NAALAD2: variants seen among roughly 807,000 people sequenced by gnomAD.
NAALAD2 encodes the protein N-acetylated alpha-linked acidic dipeptidase 2.
A neutral mutation model predicts 95.6 loss-of-function variants in NAALAD2; 89 were observed. The observed-to-expected ratio is 0.93, with a 90% CI of 0.78 to 1.11. The LOEUF (loss-of-function observed/expected upper bound fraction) is 1.11. Ranked by LOEUF, NAALAD2 falls within the 50% of genes least tolerant of loss-of-function variation. NAALAD2 has a pLI of 0.00. For synonymous variants in NAALAD2, 264 were observed against 294.4 expected (o/e 0.90, Z 1.06); for missense variants, 894 against 872.4 (o/e 1.02, Z -0.31).
upstream of NAALAD2, chr11:90,132,011 A>C (rs972925920): frequency 2.0e-5 from 3 of 152,352 alleles, no homozygotes; most frequent in East Asian, 5.8e-4. Flanking sequence ...AGTATTTGCC[A>C]AGATGGTAAT....
Position 90,163,337 on chromosome 11 carries a change from G to A in NAALAD2, c.1103G>A (p.Arg368Gln), listed in dbSNP as rs569192492. Reference sequence around the variant, plus strand: ...AGGTATGTTATTCTGGGAGGTCACCGGGACTCCTGGGTATTTGGAGCTATT... The same window carrying A: ...AGGTATGTTATTCTGGGAGGTCACCAGGACTCCTGGGTATTTGGAGCTATT... Reference protein sequence around the residue: ...PDRYVILGGHRDSWVFGAIDP... With the variant: ...PDRYVILGGHQDSWVFGAIDP... The change falls in exon 10 of 19, where the codon CGG (arginine) becomes CAG (glutamine). Residue 368 changes from arginine to glutamine, a missense_variant. Transcript: ENST00000534061. 1.4e-5 allele frequency: 23 copies of A among 1,613,834 alleles called. No individual in the cohort carries two copies. Among genetic ancestry groups the A allele is most frequent in the African/African-American group, 8.0e-5 (6 of 75,010 alleles).
Position 90,168,920 on chromosome 11 carries a change from C to T in NAALAD2, c.1279-9C>T. 1 of 1,597,638 alleles carries T rather than the reference C, an allele frequency of 6.3e-7. No individual in the cohort carries two copies. Among genetic ancestry groups the T allele is most frequent in the Non-Finnish European group, 8.5e-7 (1 of 1,172,012 alleles). Reference sequence around the variant, plus strand: ...TGTGAATTAAGTAACAACTTTGCTTCAACTACAGGAGAATGTCAAAATACT... The same window carrying T: ...TGTGAATTAAGTAACAACTTTGCTTTAACTACAGGAGAATGTCAAAATACT... On this transcript the variant is annotated splice_polypyrimidine_tract_variant and intron_variant, in intron 11 of 18. Coordinates refer to ENST00000534061, the MANE Select transcript of NAALAD2 (RefSeq NM_005467.4).
chr11:90,158,531 G>A, intron 7 of NAALAD2: 1 of 269,870 alleles, frequency 3.7e-6, no homozygotes, highest in Non-Finnish European at 6.9e-6. Flanking sequence ...AATTTTCATA[G>A]GTATTCATTA....
rs1456705389 is a variant in NAALAD2 at position 90,163,543 on chromosome 11, C to A, written c.1204C>A (p.Pro402Thr). ...GTTAACAATTCTTACAGGCTGGAGA[C>A]CTAGAAGAACTATCATTTTTGCCAG... ...FGKLMSKGWR[P>T]RRTIIFASWD... is the part of the protein sequence containing the mutation. Residue 402 changes from proline to threonine, a missense_variant, in exon 11 of 19, where the codon CCT becomes ACT. Coordinates refer to ENST00000534061, the MANE Select transcript of NAALAD2 (RefSeq NM_005467.4). 6.2e-7 allele frequency: 1 copy of A among 1,613,834 alleles called. No homozygotes were observed. The highest frequency in any genetic ancestry group is 1.3e-5 in the African/African-American group (1 of 74,882).
chr11:90,180,661 A>G (rs1368395893), intron 16 of NAALAD2, among the ~76,000 whole-genome samples: 1 of 152,112 alleles, frequency 6.6e-6, no homozygotes, highest in Non-Finnish European at 1.5e-5. Context: ...TGATGCAAGC[A>G]ACAAATCAAT....
chr11:90,169,224 T>C, intron 12 of NAALAD2: 2 of 361,400 alleles, frequency 5.5e-6, no homozygotes, highest in Non-Finnish European at 9.8e-6. Flanking sequence ...AAGCTATTGC[T>C]TTTAATTTCT....
At chr11:90,184,692 T>C (rs902167677) in intron 18 of NAALAD2, among the ~76,000 whole-genome samples, 1 of 151,934 alleles carries the variant, frequency 6.6e-6, no homozygotes, top group African/African-American at 2.4e-5. Context: ...TCTTCAGCAT[T>C]CCCCCCTTGC....
intron 2 of NAALAD2, among the ~76,000 whole-genome samples, chr11:90,141,914 CTT>C (rs1951629518): frequency 1.3e-5 from 2 of 152,206 alleles, no homozygotes; most frequent in African/African-American, 2.4e-5. Flanking sequence ...AAAATTGCCT[CTT>C]TGTGCTGACT....
chr11:90,167,752 ACT>A (rs961776692), intron 11 of NAALAD2, among the ~76,000 whole-genome samples: 1 of 152,006 alleles, frequency 6.6e-6, no homozygotes, highest in Non-Finnish European at 1.5e-5. Flanking sequence ...ACCAATCCAC[ACT>A]CTATATCTAG....
At position 90,191,677 on chromosome 11, in the gene NAALAD2, T is replaced by TAAAG; in HGVS notation, c.2157_2160dup (p.His721GlufsTer53). 6.2e-7 allele frequency: 1 copy of TAAAG among 1,601,754 alleles called. No individual in the cohort carries two copies. Among genetic ancestry groups the TAAAG allele is most frequent in the Non-Finnish European group, 8.5e-7 (1 of 1,174,278 alleles). On this transcript the variant is annotated frameshift_variant, in exon 19 of 19. Coordinates refer to ENST00000534061, the MANE Select transcript of NAALAD2 (RefSeq NM_005467.4). LOFTEE classifies it high-confidence loss of function. ...AACTCTCGTTTGGCCTGGAAAGAAG[T>TAAAG]AAAGAAACATATTTCTATTGCAGCT...
intron 13 of NAALAD2, among the ~76,000 whole-genome samples, chr11:90,172,455 G>C (rs7109013): frequency 0.37 from 56,632 of 151,904 alleles, 10,844 homozygotes; most frequent in Admixed American, 0.46. Context: ...CAACACATTT[G>C]TGCCTCTAAA....
intron 11 of NAALAD2, among the ~76,000 whole-genome samples, chr11:90,167,113 G>T (rs773292383): frequency 6.6e-6 from 1 of 152,220 alleles, no homozygotes; most frequent in Non-Finnish European, 1.5e-5. Flanking sequence ...CCTTCAGCCC[G>T]CCGCTGCACT....
intron 12 of NAALAD2, chr11:90,169,196 T>A: frequency 2.2e-6 from 1 of 456,772 alleles, no homozygotes; most frequent in East Asian, 3.8e-5. Context: ...TTCATATGAA[T>A]TGATATGATT....
intron 2 of NAALAD2, 125 bp downstream of exon 2, chr11:90,135,795 AC>A: frequency 1.6e-6 from 1 of 629,388 alleles, no homozygotes; most frequent in Non-Finnish European, 2.3e-6. Context: ...TTAGTCATCA[AC>A]TTTTTTTTTT....
At chr11:90,185,344 G>A (rs924413249) in intron 18 of NAALAD2, among the ~76,000 whole-genome samples, 1 of 151,606 alleles carries the variant, frequency 6.6e-6, no homozygotes. Flanking sequence ...TAATGTATGG[G>A]ACCATACGTT....
chr11:90,159,239 C>A lies in NAALAD2; in HGVS notation c.891C>A (p.Arg297=). The A allele has an allele frequency of 6.2e-7, 1 of 1,609,596 alleles. No homozygotes were observed. Among genetic ancestry groups the A allele is most frequent in the Non-Finnish European group, 8.5e-7 (1 of 1,176,334 alleles). Residue 297 remains arginine (R), a splice_region_variant and synonymous_variant, in exon 8 of 19, where the codon CGC becomes CGA. Coordinates refer to ENST00000534061, the MANE Select transcript of NAALAD2 (RefSeq NM_005467.4). ...IGYNDAEILL[R]YLGGIAPPDK... ...TGTCACTTTCATTTTATTTTGTCAG[C>A]TACTTGGGAGGAATTGCTCCACCAG...
intron 13 of NAALAD2, among the ~76,000 whole-genome samples, chr11:90,170,956 C>G (rs760425807): frequency 3.9e-5 from 6 of 152,130 alleles, no homozygotes; most frequent in Non-Finnish European, 5.9e-5. Flanking sequence ...ATGGAGAAAT[C>G]ATTAAAGAAT....
intron 14 of NAALAD2, among the ~76,000 whole-genome samples, chr11:90,174,213 C>T (rs1456431136): frequency 6.6e-6 from 1 of 151,972 alleles, no homozygotes; most frequent in Non-Finnish European, 1.5e-5. Context: ...CACTTGTAAT[C>T]CCAGTTACTC....
chr11:90,183,522 C>G (rs1857030326), intron 18 of NAALAD2, among the ~76,000 whole-genome samples: 1 of 152,120 alleles, frequency 6.6e-6, no homozygotes, highest in Admixed American at 6.6e-5. Flanking sequence ...AAGTTTAGCT[C>G]TATTTCCATA....
Sources: allele counts gnomAD v4.1 joint callset (sites outside exome capture counted in the v4.1 genomes callset), GRCh38; gene constraint gnomAD v4.1.1; transcripts MANE v1.5; gene names NCBI Gene and HGNC (gene_info 2026-07-23, HGNC 2026-07-21).